The following HNRNPM variants were observed in gnomAD, a reference collection of about 807,000 sequenced individuals.
HNRNPM encodes CEA receptor.
In HNRNPM, 11 loss-of-function variants were observed where a neutral mutation model predicts 73.1. The observed-to-expected ratio is 0.15, with a 90% CI of 0.09 to 0.25. The LOEUF (loss-of-function observed/expected upper bound fraction) is 0.25. Among genes scored for constraint, HNRNPM ranks in the 10% least tolerant of loss-of-function variants. The pLI, the probability that HNRNPM is intolerant of heterozygous loss-of-function variation, is 1.00. For missense variants in HNRNPM, 789 were observed against 1,067.9 expected (o/e 0.74, Z 3.64); for synonymous variants, 407 against 355.2 (o/e 1.15, Z -1.64).
At chr19:8,483,303 G>C (rs1324601060) in intron 13 of HNRNPM, 92 bp downstream of exon 13, 1 of 939,954 alleles carries the variant, frequency 1.1e-6, no homozygotes, top group South Asian at 1.4e-5. Context: ...TGCGGGTTCT[G>C]ACACAGACTG....
chr19:8,445,020 G>C lies in HNRNPM; in HGVS notation c.22G>C (p.Ala8Pro). MAAGVEA[A>P]AEVAATEIKM... is the part of the protein sequence containing the mutation. ...GAAAATGGCGGCAGGGGTCGAAGCG[G>C]CGGCGGAGGTGGCGGCGACGGAGAT... Residue 8 changes from alanine to proline, a missense_variant, in exon 1 of 16, where the codon GCG becomes CCG. Physicochemically the swap from Ala to Pro is conservative, Grantham distance 27 (BLOSUM62 -1). Around this residue, in one of 4 missense-constraint regions of HNRNPM, gnomAD observed 79 missense variants for 70.7 expected, o/e 1.12. Coordinates refer to ENST00000325495, the MANE Select transcript of HNRNPM (RefSeq NM_005968.5). 1 of 1,425,252 alleles carries C rather than the reference G, an allele frequency of 7.0e-7. No individual in the cohort carries two copies. Among genetic ancestry groups the C allele is most frequent in the Non-Finnish European group, 9.2e-7 (1 of 1,091,958 alleles). 88.3% of individuals were successfully genotyped at this position (1,425,252 alleles called of 1,614,324 possible).
chr19:8,473,855 C>T (rs1970326135), intron 11 of HNRNPM, 147 bp downstream of exon 11: 2 of 642,924 alleles, frequency 3.1e-6, no homozygotes, highest in African/African-American at 1.9e-5. Flanking sequence ...CCTGTCCATC[C>T]TTCCAGCGGG....
intron 12 of HNRNPM, among the ~76,000 whole-genome samples, chr19:8,480,765 G>T (rs1464186740): frequency 6.6e-6 from 1 of 152,046 alleles, no homozygotes; most frequent in African/African-American, 2.4e-5. Context: ...GCCTAATTCC[G>T]CTTTTTGGAG....
At chr19:8,487,003 C>G in intron 14 of HNRNPM, 21 bp from the exon 15 acceptor site, 1 of 1,606,954 alleles carries the variant, frequency 6.2e-7, no homozygotes, top group South Asian at 1.1e-5. Context: ...GCATCAGTCT[C>G]CCTTTTCTTC....
At chr19:8,486,535 G>A (rs780832771) in intron 14 of HNRNPM, 130 bp downstream of exon 14, 5 of 745,224 alleles carry the variant, frequency 6.7e-6, no homozygotes, top group African/African-American at 1.8e-5. Context: ...TGTCCCAAAC[G>A]TTTTATGCTA....
chr19:8,460,024 T>C (rs1158610330), intron 2 of HNRNPM, among the ~76,000 whole-genome samples: 6 of 152,184 alleles, frequency 3.9e-5, no homozygotes, highest in African/African-American at 1.4e-4. Flanking sequence ...GGAGCAACCG[T>C]ATTTTTTATT....
rs772261333 is a variant in HNRNPM, at chr19:8,465,465, A to T, written c.580A>T (p.Ile194Phe). ...LNNPNIPNEI[I>F]HALQAGRLGS... Reference sequence around the variant, plus strand: ...TAATCCCAACATCCCAAATGAGATTATCCATGCATTACAGGCTGGAAGACT... The same window carrying T: ...TAATCCCAACATCCCAAATGAGATTTTCCATGCATTACAGGCTGGAAGACT... The change falls in exon 6 of 16, where the codon ATC becomes TTC. Residue 194 changes from isoleucine to phenylalanine, a missense_variant. Ile to Phe is a conservative substitution (Grantham distance 21). Around this residue, in one of 4 missense-constraint regions of HNRNPM, gnomAD observed 604 missense variants for 744.0 expected, o/e 0.81. Coordinates refer to ENST00000325495, the MANE Select transcript of HNRNPM (RefSeq NM_005968.5). 5 of 1,613,836 alleles carry T rather than the reference A, an allele frequency of 3.1e-6. No homozygotes were observed. The highest frequency in any genetic ancestry group is 4.2e-6 in the Non-Finnish European group (5 of 1,179,798).
chr19:8,457,355 T>C (rs1568266395), intron 2 of HNRNPM, among the ~76,000 whole-genome samples: 1 of 152,190 alleles, frequency 6.6e-6, no homozygotes, highest in African/African-American at 2.4e-5. Flanking sequence ...CACTCTTAAG[T>C]GTGGAGCCAG....
chr19:8,465,924 G>GT (rs1261595225), intron 6 of HNRNPM, among the ~76,000 whole-genome samples: 1 of 152,166 alleles, frequency 6.6e-6, no homozygotes, highest in Non-Finnish European at 1.5e-5. Context: ...GTTGGGTGGG[G>GT]TGGGGAGTGG....
At position 8,485,735 on chromosome 19, in the gene HNRNPM, G is replaced by T; in HGVS notation, c.1307G>T (p.Arg436Leu). 1 of 1,606,046 alleles carries T rather than the reference G, an allele frequency of 6.2e-7. No individual in the cohort carries two copies. The highest frequency in any genetic ancestry group is 8.5e-7 in the Non-Finnish European group (1 of 1,179,512). Reference protein sequence around the residue: ...GMDRVGSEIERMGLVMDRMGS... With the variant: ...GMDRVGSEIELMGLVMDRMGS... ...GATCGCGTGGGCTCCGAGATCGAGCGCATGGGCCTGGTCATGGACCGCATG... is the reference window on the plus strand; with the variant it reads ...GATCGCGTGGGCTCCGAGATCGAGCTCATGGGCCTGGTCATGGACCGCATG... Residue 436 changes from arginine to leucine, a missense_variant, in exon 14 of 16, where the codon CGC (arginine) becomes CTC (leucine). By Grantham distance (102) the Arg-to-Leu change is moderately radical. Coordinates refer to ENST00000325495, the MANE Select transcript of HNRNPM (RefSeq NM_005968.5).
At chr19:8,457,922 T>C (rs1218648551) in intron 2 of HNRNPM, among the ~76,000 whole-genome samples, 3 of 152,236 alleles carry the variant, frequency 2.0e-5, no homozygotes, top group African/African-American at 7.2e-5. Flanking sequence ...CACAGAGATC[T>C]GGGCTGTTGT....
chr19:8,472,380 G>A (rs956277688), intron 10 of HNRNPM, among the ~76,000 whole-genome samples: 2 of 152,042 alleles, frequency 1.3e-5, no homozygotes, highest in East Asian at 3.9e-4. Flanking sequence ...TGTCAGTGTT[G>A]CATATCCCTA....
intron 6 of HNRNPM, 56 bp downstream of exon 6, chr19:8,465,571 T>G: frequency 1.8e-6 from 2 of 1,092,078 alleles, no homozygotes; most frequent in Non-Finnish European, 2.7e-6. Context: ...TGAAATGACC[T>G]TGTCAATATG....
intron 13 of HNRNPM, among the ~76,000 whole-genome samples, chr19:8,485,078 CTG>C (rs1288557029): frequency 6.6e-6 from 1 of 152,030 alleles, no homozygotes; most frequent in East Asian, 1.9e-4. Context: ...AATCCTTTCT[CTG>C]TGCCCTGGGA....
At chr19:8,477,185 A>C (rs1025646873) in intron 12 of HNRNPM, among the ~76,000 whole-genome samples, 4 of 152,096 alleles carry the variant, frequency 2.6e-5, no homozygotes, top group Non-Finnish European at 5.9e-5. Context: ...CCCTCTCAGC[A>C]TGGGAGGGAG....
chr19:8,489,044 A>G lies in HNRNPM; in HGVS notation c.*190A>G, dbSNP rs898492076. Reference sequence around the variant, plus strand: ...TTGCATTGAGATTGCAATGTGCGCAATTTTTTTTGTAGTTGTGGCATCTTG... The same window carrying G: ...TTGCATTGAGATTGCAATGTGCGCAGTTTTTTTTGTAGTTGTGGCATCTTG... On this transcript the variant is annotated 3_prime_UTR_variant, in exon 16 of 16. Coordinates refer to ENST00000325495, the MANE Select transcript of HNRNPM (RefSeq NM_005968.5). The G allele has an allele frequency of 5.6e-6, 3 of 535,742 alleles. No homozygotes were observed. Among genetic ancestry groups the G allele is most frequent in the South Asian group, 5.0e-5 (2 of 40,112 alleles). The allele number at this position is 535,742 out of a possible 1,614,324, so 33.2% of individuals were successfully genotyped here.
intron 12 of HNRNPM, among the ~76,000 whole-genome samples, chr19:8,479,096 T>TTTTTC (rs1970721971): frequency 7.9e-6 from 1 of 126,868 alleles, no homozygotes; most frequent in Non-Finnish European, 1.6e-5. Flanking sequence ...TTTTTTTTTT[T>TTTTTC]TTTTTTCAAG....
intron 1 of HNRNPM, among the ~76,000 whole-genome samples, chr19:8,455,156 T>G (rs35220397): frequency 0.26 from 40,112 of 151,594 alleles, 6,470 homozygotes; most frequent in Non-Finnish European, 0.36. Context: ...TATATATTTT[T>G]TTGTTGTTTT....
intron 2 of HNRNPM, among the ~76,000 whole-genome samples, chr19:8,457,360 A>G (rs1389870730): frequency 6.6e-6 from 1 of 152,188 alleles, no homozygotes; most frequent in Admixed American, 6.5e-5. Context: ...TTAAGTGTGG[A>G]GCCAGCCTGG....
Sources: gnomAD v4.1 joint callset for allele counts (sites outside exome capture counted in the v4.1 genomes callset) on GRCh38, gnomAD v4.1.1 for gene constraint, gnomAD v4.1.1 regional missense constraint, MANE v1.5 for transcripts, NCBI Gene and HGNC (gene_info 2026-07-23, HGNC 2026-07-21) for gene names.